STXBP5: variants seen among roughly 807,000 people sequenced by gnomAD.
The protein encoded by STXBP5 is syntaxin binding protein 5, also known as syntaxin-binding protein 5.
A neutral mutation model predicts 152.4 loss-of-function variants in STXBP5; 50 were observed. That is an observed-to-expected ratio of 0.33 (90% CI 0.26 to 0.42). STXBP5 has a LOEUF of 0.42. Among genes scored for constraint, STXBP5 ranks in the 10% least tolerant of loss-of-function variants. The probability of loss-of-function intolerance (pLI) is 1.00; values close to 1 mark genes in which losing one functional copy is unlikely to be tolerated. For missense variants in STXBP5, 1,167 were observed against 1,388.6 expected, an observed-to-expected ratio of 0.84 and a Z score of 2.54; for synonymous variants, 492 against 494.7, an observed-to-expected ratio of 0.99 and a Z score of 0.07.
chr6:147,324,582 G>C (rs1009509698), intron 16 of STXBP5, among the ~76,000 whole-genome samples: 1 of 151,818 alleles, frequency 6.6e-6, no homozygotes, highest in Non-Finnish European at 1.5e-5. Context: ...TTTTAAACCT[G>C]CTTTTCTAAC....
intron 16 of STXBP5, among the ~76,000 whole-genome samples, chr6:147,320,114 A>G (rs573172065): frequency 2.6e-5 from 4 of 151,992 alleles, no homozygotes; most frequent in Non-Finnish European, 4.4e-5. Context: ...GGGATTACAG[A>G]TGTTAGCCAC....
intron 4 of STXBP5, among the ~76,000 whole-genome samples, chr6:147,247,699 A>G (rs1778878539): frequency 6.6e-6 from 1 of 152,100 alleles, no homozygotes; most frequent in East Asian, 1.9e-4. Flanking sequence ...TTGTTTCAAT[A>G]TTGTGATTAA....
chr6:147,325,110 A>G (rs199721547), intron 17 of STXBP5, 26 bp downstream of exon 17: 4 of 1,474,754 alleles, frequency 2.7e-6, no homozygotes, highest in Admixed American at 2.2e-5. Context: ...GTTTTTTTCT[A>G]AGTCTCTTCA....
chr6:147,213,434 A>ATGTGTGTGTGTGTGTGTGTG (rs1159372834), intron 2 of STXBP5, among the ~76,000 whole-genome samples: 12 of 85,534 alleles, frequency 1.4e-4, no homozygotes, highest in African/African-American at 4.7e-4. Flanking sequence ...AATTTTATAT[A>ATGTGTGTGTGTGTGTGTGTG]TGTGTGTGTG....
intron 23 of STXBP5, among the ~76,000 whole-genome samples, chr6:147,363,003 T>C (rs1785133045): frequency 1.3e-5 from 2 of 152,232 alleles, no homozygotes; most frequent in South Asian, 4.1e-4. Flanking sequence ...GTAGTGCACT[T>C]ACTGGGTATA....
At chr6:147,266,684 T>C (rs1250381791) in intron 6 of STXBP5, among the ~76,000 whole-genome samples, 1 of 152,010 alleles carries the variant, frequency 6.6e-6, no homozygotes, top group African/African-American at 2.4e-5. Context: ...ACTGGAATTA[T>C]GTGTCTGAAT....
chr6:147,299,630 C>CA (rs991515781), intron 9 of STXBP5, among the ~76,000 whole-genome samples: 2 of 151,778 alleles, frequency 1.3e-5, no homozygotes, highest in African/African-American at 4.8e-5. Flanking sequence ...TAACACACAA[C>CA]AAAAAAAGAA....
At chr6:147,223,478 A>G (rs1181822272) in intron 2 of STXBP5, among the ~76,000 whole-genome samples, 1 of 152,218 alleles carries the variant, frequency 6.6e-6, no homozygotes, top group Non-Finnish European at 1.5e-5. Context: ...GGAATTCATG[A>G]TTATTCAATT....
intron 2 of STXBP5, among the ~76,000 whole-genome samples, chr6:147,213,434 A>ATATGTGTGTG (rs1216361619): frequency 9.3e-5 from 8 of 85,574 alleles, no homozygotes; most frequent in Non-Finnish European, 1.7e-4. Context: ...AATTTTATAT[A>ATATGTGTGTG]TGTGTGTGTG....
At chr6:147,289,679 G>C (rs1476664155) in intron 8 of STXBP5, among the ~76,000 whole-genome samples, 1 of 151,412 alleles carries the variant, frequency 6.6e-6, no homozygotes, top group East Asian at 1.9e-4. Context: ...ACCAGTTAGG[G>C]ATCCAAACAC....
intron 10 of STXBP5, among the ~76,000 whole-genome samples, chr6:147,311,217 T>G (rs969030715): frequency 5.3e-5 from 8 of 152,190 alleles, no homozygotes; most frequent in African/African-American, 1.7e-4. Flanking sequence ...AAATTTGCAA[T>G]GCCATAGAAA....
chr6:147,248,830 A>G (rs1323983530), intron 4 of STXBP5, among the ~76,000 whole-genome samples: 1 of 152,180 alleles, frequency 6.6e-6, no homozygotes, highest in Admixed American at 6.5e-5. Context: ...GATGATCCTC[A>G]GTAGGCCTAA....
chr6:147,205,433 G>A (rs1776498754), intron 1 of STXBP5, among the ~76,000 whole-genome samples: 1 of 149,942 alleles, frequency 6.7e-6, no homozygotes, highest in Non-Finnish European at 1.5e-5. Context: ...GGCCTTAATA[G>A]TAAATTGCAA....
intron 4 of STXBP5, among the ~76,000 whole-genome samples, chr6:147,241,875 C>T (rs1355063906): frequency 3.9e-5 from 6 of 152,036 alleles, no homozygotes; most frequent in Non-Finnish European, 8.8e-5. Flanking sequence ...TAATTGTGTA[C>T]AGTACATAAT....
At chr6:147,304,267 T>G (rs1250910616) in intron 9 of STXBP5, among the ~76,000 whole-genome samples, 1 of 152,080 alleles carries the variant, frequency 6.6e-6, no homozygotes, top group Admixed American at 6.6e-5. Flanking sequence ...GTCCCAGCCA[T>G]GGCTAAAAGG....
intron 1 of STXBP5, 150 bp from the exon 2 acceptor site, chr6:147,205,821 G>T (rs1776522302): frequency 7.5e-6 from 4 of 536,696 alleles, no homozygotes; most frequent in Admixed American, 3.5e-5. Context: ...GTTAATGTAG[G>T]TTTCACTTAT....
intron 16 of STXBP5, among the ~76,000 whole-genome samples, chr6:147,322,942 A>G (rs1783012051): frequency 6.6e-6 from 1 of 152,144 alleles, no homozygotes; most frequent in African/African-American, 2.4e-5. Context: ...GGATTTAACT[A>G]TTCATGAGGT....
chr6:147,274,736 G>T (rs1780356207), intron 7 of STXBP5, among the ~76,000 whole-genome samples: 1 of 151,806 alleles, frequency 6.6e-6, no homozygotes, highest in African/African-American at 2.4e-5. Flanking sequence ...ATTTTCTTTT[G>T]TCATTTTTTG....
rs1421780091 is a variant in STXBP5, at chr6:147,382,838, G to A, written c.3254G>A (p.Gly1085Asp). The change falls in exon 27 of 28, where the codon GGT becomes GAT. Residue 1085 changes from glycine to aspartate, a missense_variant. Gly to Asp is a moderately conservative substitution (Grantham distance 94, BLOSUM62 -1). This residue lies in a region of STXBP5 where 833 missense variants were observed against 986.3 expected (regional missense o/e 0.84). Transcript: ENST00000321680. ...RSLAQHIPGP[G>D]GIEGVKGAAS... is the part of the protein sequence containing the mutation. The stretch of plus-strand genomic sequence containing the variant: ...CTTGCACAGCATATTCCTGGCCCTG[G>A]TGGCATTGAAGGCGTAAAAGGGGCA... The A allele has an allele frequency of 6.2e-7, 1 of 1,613,574 alleles. No homozygotes were observed. Among genetic ancestry groups the A allele is most frequent in the African/African-American group, 1.3e-5 (1 of 74,970 alleles).
Sources: gnomAD v4.1 joint callset for allele counts (sites outside exome capture counted in the v4.1 genomes callset) on GRCh38, gnomAD v4.1.1 for gene constraint, gnomAD v4.1.1 regional missense constraint, MANE v1.5 for transcripts, NCBI Gene and HGNC (gene_info 2026-07-23, HGNC 2026-07-21) for gene names.